Variants in IL1RAPL1 observed in about 807,000 individuals in gnomAD.
IL1RAPL1 encodes the protein interleukin-1 receptor accessory protein-like 1.
In IL1RAPL1, 3 loss-of-function variants were observed where a neutral mutation model predicts 48.4. That is an observed-to-expected ratio of 0.06 (90% CI 0.03 to 0.16). The LOEUF (loss-of-function observed/expected upper bound fraction) is 0.16, where lower values mean the gene tolerates loss of function less well. IL1RAPL1 is among the 10% of genes least tolerant of loss of function. The pLI, the probability that IL1RAPL1 is intolerant of heterozygous loss-of-function variation, is 1.00. For synonymous variants in IL1RAPL1, 185 were observed against 187.7 expected (o/e 0.99, Z 0.12); for missense variants, 349 against 530.6 (o/e 0.66, Z 3.36).
chrX:29,080,994 T>TTCTTTCTTTCTTTC (rs1569232789), intron 2 of IL1RAPL1, among the ~76,000 whole-genome samples: 1 of 26,441 alleles, frequency 3.8e-5, no homozygotes, highest in Non-Finnish European at 7.8e-5. Context: ...CTTTCTTTCT[T>TTCTTTCTTTCTTTC]TCTCTCTCTC....
chrX:29,414,155 A>G (rs1934184520), intron 5 of IL1RAPL1, among the ~76,000 whole-genome samples: 1 of 111,381 alleles, frequency 9.0e-6, no homozygotes, highest in Non-Finnish European at 1.9e-5. Flanking sequence ...TCATAGAGAC[A>G]GAAAATAGAG....
At chrX:28,945,793 TTTAG>T (rs1924283492) in intron 2 of IL1RAPL1, among the ~76,000 whole-genome samples, 1 of 109,002 alleles carries the variant, frequency 9.2e-6, no homozygotes, top group Non-Finnish European at 1.9e-5. Context: ...AATAACTCAT[TTTAG>T]TTAGTTGTTT....
intron 2 of IL1RAPL1, among the ~76,000 whole-genome samples, chrX:29,184,793 A>T (rs1013258200): frequency 8.0e-5 from 9 of 111,840 alleles, no homozygotes; most frequent in African/African-American, 2.6e-4. Context: ...GAGCCACCGC[A>T]CCCACCCACA....
At chrX:28,694,843 G>T (rs1389911942) in intron 1 of IL1RAPL1, among the ~76,000 whole-genome samples, 1 of 111,598 alleles carries the variant, frequency 9.0e-6, no homozygotes, top group East Asian at 2.8e-4. Flanking sequence ...TTCCTCAAGA[G>T]CAAGTTTCCT....
chrX:28,651,400 A>C, intron 1 of IL1RAPL1, among the ~76,000 whole-genome samples: 1 of 112,367 alleles, frequency 8.9e-6, no homozygotes, highest in Non-Finnish European at 1.9e-5. Context: ...CTTCAGCAGC[A>C]GAGCTGACTA....
At chrX:28,787,352 T>C (rs1415433693) in intron 1 of IL1RAPL1, among the ~76,000 whole-genome samples, 1 of 111,576 alleles carries the variant, frequency 9.0e-6, no homozygotes, top group African/African-American at 3.3e-5. Flanking sequence ...AACTTGAAGA[T>C]TTCCTGCAGC....
chrX:29,612,181 G>A (rs557866951), intron 5 of IL1RAPL1, among the ~76,000 whole-genome samples: 31 of 111,055 alleles, frequency 2.8e-4, no homozygotes, highest in African/African-American at 3.9e-4. Context: ...CCTCCTGTCC[G>A]TATCAATTCT....
At chrX:28,762,030 C>G (rs933785389) in intron 1 of IL1RAPL1, among the ~76,000 whole-genome samples, 1 of 111,467 alleles carries the variant, frequency 9.0e-6, no homozygotes, top group African/African-American at 3.3e-5. Flanking sequence ...ATGTAAACAG[C>G]TTAGCATAGC....
intron 1 of IL1RAPL1, among the ~76,000 whole-genome samples, chrX:28,726,984 CTTTTATGGA>C (rs1005324621): frequency 8.9e-6 from 1 of 111,812 alleles, no homozygotes; most frequent in African/African-American, 3.3e-5. Context: ...CAGTTTTATT[CTTTTATGGA>C]TTTTATATGG....
chrX:29,589,696 A>G (rs992968254), intron 5 of IL1RAPL1, among the ~76,000 whole-genome samples: 1 of 111,619 alleles, frequency 9.0e-6, no homozygotes, highest in Non-Finnish European at 1.9e-5. Flanking sequence ...AGGATAAAAT[A>G]AAATAATATA....
At chrX:29,247,105 C>G (rs777806557) in intron 2 of IL1RAPL1, among the ~76,000 whole-genome samples, 1 of 111,966 alleles carries the variant, frequency 8.9e-6, no homozygotes, top group East Asian at 2.8e-4. Context: ...TTATGTGGAG[C>G]ACACAAATTA....
At chrX:29,275,648 C>G (rs1404449009) in intron 2 of IL1RAPL1, among the ~76,000 whole-genome samples, 1 of 112,176 alleles carries the variant, frequency 8.9e-6, no homozygotes, top group East Asian at 2.8e-4. Flanking sequence ...AAACAAACTT[C>G]TTGCTTTGTG....
At chrX:28,698,845 G>A (rs1305371608) in intron 1 of IL1RAPL1, among the ~76,000 whole-genome samples, 3 of 111,700 alleles carry the variant, frequency 2.7e-5, no homozygotes, top group Non-Finnish European at 5.7e-5. Flanking sequence ...AAATAGCCAA[G>A]TAGATAAAGG....
At chrX:28,814,303 C>T (rs950563272) in intron 2 of IL1RAPL1, among the ~76,000 whole-genome samples, 1 of 105,752 alleles carries the variant, frequency 9.5e-6, no homozygotes, top group Non-Finnish European at 1.9e-5. Context: ...ATAAATGTTT[C>T]GTTCACTTAC....
intron 2 of IL1RAPL1, among the ~76,000 whole-genome samples, chrX:29,261,497 C>G (rs1015410325): frequency 9.0e-6 from 1 of 111,032 alleles, no homozygotes; most frequent in Admixed American, 9.7e-5. Context: ...CCCTCTTGCT[C>G]AACTCAAAAA....
intron 3 of IL1RAPL1, among the ~76,000 whole-genome samples, chrX:29,283,521 G>A (rs983849000): frequency 8.9e-6 from 1 of 112,373 alleles, no homozygotes; most frequent in Non-Finnish European, 1.9e-5. Flanking sequence ...TGTAAGCAAA[G>A]ACTTGCAGAA....
chrX:29,326,133 C>A (rs182931100), intron 3 of IL1RAPL1, among the ~76,000 whole-genome samples: 1 of 112,315 alleles, frequency 8.9e-6, no homozygotes, highest in Non-Finnish European at 1.9e-5. Context: ...GCTGTTCTTT[C>A]TATTTTATTT....
chrX:29,446,634 G>A (rs901522236), intron 5 of IL1RAPL1, among the ~76,000 whole-genome samples: 17 of 111,779 alleles, frequency 1.5e-4, no homozygotes, highest in African/African-American at 4.5e-4. Flanking sequence ...GATGCTACTT[G>A]GAGGGAATAT....
chrX:29,137,934 C>T (rs1328710427), intron 2 of IL1RAPL1, among the ~76,000 whole-genome samples: 1 of 112,366 alleles, frequency 8.9e-6, no homozygotes, highest in African/African-American at 3.2e-5. Flanking sequence ...ATAGGTTACC[C>T]TAATATTTTT....
Sources: allele counts gnomAD v4.1 joint callset (sites outside exome capture counted in the v4.1 genomes callset), GRCh38; gene constraint gnomAD v4.1.1; transcripts MANE v1.5; gene names NCBI Gene and HGNC (gene_info 2026-07-23, HGNC 2026-07-21).